Variants in SPAG17 observed in about 807,000 individuals in gnomAD.
SPAG17 encodes sperm-associated antigen 17.
Under a neutral mutation model 273.6 loss-of-function variants are expected in SPAG17, and 169 were observed. The observed-to-expected ratio is 0.62, with a 90% CI of 0.55 to 0.70. The LOEUF is 0.70. Ranked by LOEUF, SPAG17 falls within the 30% of genes least tolerant of loss-of-function variation. The probability of loss-of-function intolerance (pLI) is 0.00; values close to 1 mark genes in which losing one functional copy is unlikely to be tolerated. For synonymous variants in SPAG17, 825 were observed against 873.2 expected, an observed-to-expected ratio of 0.94 and a Z score of 0.97; for missense variants, 2,557 against 2,627.8, an observed-to-expected ratio of 0.97 and a Z score of 0.59.
At chr1:118,051,445 G>A (rs1454986857) in intron 20 of SPAG17, among the ~76,000 whole-genome samples, 1 of 151,782 alleles carries the variant, frequency 6.6e-6, no homozygotes, top group Non-Finnish European at 1.5e-5. Flanking sequence ...GCATGCCCAT[G>A]TTTATTGCAG....
At chr1:117,999,918 T>G (rs938678047) in intron 32 of SPAG17, among the ~76,000 whole-genome samples, 2 of 152,346 alleles carry the variant, frequency 1.3e-5, no homozygotes, top group African/African-American at 4.8e-5. Flanking sequence ...TCCTGAATGG[T>G]ATTGCCTAGG....
Position 118,005,610 on chromosome 1 carries a change from A to G in SPAG17, c.4588-8T>C. ...TGTGTTTGGAGGTAACACCTGAAAG[A>G]GTAACAGAAAGACAGAAATTATTAA... On this transcript the variant is annotated splice_polypyrimidine_tract_variant and splice_region_variant and intron_variant, in intron 31 of 48. Coordinates refer to ENST00000336338, the MANE Select transcript of SPAG17 (RefSeq NM_206996.4). 1 of 1,430,534 alleles carries G rather than the reference A, an allele frequency of 7.0e-7. No homozygotes were observed. Among genetic ancestry groups the G allele is most frequent in the South Asian group, 1.7e-5 (1 of 57,590 alleles). 88.6% of individuals were successfully genotyped at this position (1,430,534 alleles called of 1,614,324 possible). A position where few individuals can be genotyped will look rare whatever the true frequency, so the allele number is the denominator to read the frequency against.
At chr1:118,054,586 G>T (rs980387853) in intron 19 of SPAG17, among the ~76,000 whole-genome samples, 5 of 151,888 alleles carry the variant, frequency 3.3e-5, no homozygotes, top group Admixed American at 3.3e-4. Flanking sequence ...ACAGGTTTTT[G>T]GTCTTTTCAG....
At chr1:118,126,286 A>G (rs1040035829) in intron 3 of SPAG17, among the ~76,000 whole-genome samples, 1 of 148,372 alleles carries the variant, frequency 6.7e-6, no homozygotes, top group Non-Finnish European at 1.5e-5. Flanking sequence ...GCTCACTGCA[A>G]GCTCCACCTC....
chr1:118,036,316 G>A (rs1269281688), intron 24 of SPAG17, among the ~76,000 whole-genome samples: 2 of 152,108 alleles, frequency 1.3e-5, no homozygotes, highest in Non-Finnish European at 2.9e-5. Flanking sequence ...ACACTGAACC[G>A]TTCTATAATA....
rs1218673645 is a variant in SPAG17, at chr1:118,065,096, T to C, written c.2540+1649A>G. ...TTGGCAAGTTTGATCCAGAAAAATA[T>C]AGAGAAATCACAGATTAAAAATGTT... On this transcript the variant is annotated intron_variant, in intron 18 of 48. Transcript: ENST00000336338. 2.6e-5 allele frequency among the ~76,000 whole-genome samples: 4 copies of C among 152,094 alleles called. No individual in the cohort carries two copies. In the East Asian group the frequency reaches 7.7e-4, roughly 29 times the overall value.
chr1:118,164,366 C>T (rs1042367124), intron 1 of SPAG17, among the ~76,000 whole-genome samples: 1 of 151,078 alleles, frequency 6.6e-6, no homozygotes, highest in Non-Finnish European at 1.5e-5. Flanking sequence ...AAAAAACCTC[C>T]CTATCACAAA....
chr1:117,955,697 T>A (rs1160536970), intron 48 of SPAG17, among the ~76,000 whole-genome samples: 1 of 152,128 alleles, frequency 6.6e-6, no homozygotes, highest in African/African-American at 2.4e-5. Flanking sequence ...TGGAATATTA[T>A]ATAAAGTTTT....
chr1:118,000,874 G>C (rs1658201181), intron 32 of SPAG17, among the ~76,000 whole-genome samples: 2 of 152,214 alleles, frequency 1.3e-5, no homozygotes, highest in Admixed American at 1.3e-4. Context: ...TAGGAGTGGT[G>C]AGAGAGGGCA....
intron 19 of SPAG17, among the ~76,000 whole-genome samples, chr1:118,055,427 C>T (rs1651558875): frequency 6.6e-6 from 1 of 152,102 alleles, no homozygotes; most frequent in Non-Finnish European, 1.5e-5. Context: ...GCTTAATTTA[C>T]CAATCCTACC....
chr1:118,179,457 C>T (rs1281808607), intron 1 of SPAG17, among the ~76,000 whole-genome samples: 1 of 152,014 alleles, frequency 6.6e-6, no homozygotes, highest in Non-Finnish European at 1.5e-5. Context: ...GGATTGCAGA[C>T]TTAAATCTAA....
At chr1:118,096,392 C>T (rs533733283) in intron 7 of SPAG17, among the ~76,000 whole-genome samples, 1 of 151,360 alleles carries the variant, frequency 6.6e-6, no homozygotes, top group South Asian at 2.1e-4. Flanking sequence ...AGTCACTGTG[C>T]AGACACCCAT....
rs774289091 is a variant in SPAG17, at chr1:118,099,764, A to C, written c.671T>G (p.Ile224Arg). The change falls in exon 6 of 49, where the codon ATA becomes AGA. Residue 224 changes from isoleucine (I) to arginine (R), a missense_variant. By Grantham distance (97) the Ile-to-Arg change is moderately conservative (BLOSUM62 -3). Coordinates refer to ENST00000336338, the MANE Select transcript of SPAG17 (RefSeq NM_206996.4). ...EPDDGAQHYI[I>R]VVGFNNPQLL... ...CTGAGGATTGTTAAAGCCCACAACT[A>C]TAATGTAATGTTGGGCACCATCATC... 3 of 1,613,120 alleles carry C rather than the reference A, an allele frequency of 1.9e-6. No individual in the cohort carries two copies. The Admixed American group carries it at 5.0e-5, about 27-fold the overall frequency.
At chr1:118,155,077 A>G (rs1284888794) in intron 1 of SPAG17, among the ~76,000 whole-genome samples, 1 of 152,136 alleles carries the variant, frequency 6.6e-6, no homozygotes, top group Non-Finnish European at 1.5e-5. Context: ...GTACATGATC[A>G]TTGCTGAGTC....
chr1:118,050,121 C>G (rs562421686), intron 20 of SPAG17, among the ~76,000 whole-genome samples: 40 of 152,270 alleles, frequency 2.6e-4, no homozygotes, highest in African/African-American at 9.4e-4. Context: ...CCATACTGTG[C>G]ATGCTCCCCT....
At chr1:117,976,822 T>G (rs1043568894) in intron 43 of SPAG17, among the ~76,000 whole-genome samples, 2 of 152,178 alleles carry the variant, frequency 1.3e-5, no homozygotes, top group African/African-American at 4.8e-5. Flanking sequence ...TTGGCAGTGC[T>G]TCCATGCAGT....
At chr1:118,070,611 C>T (rs1653477458) in intron 17 of SPAG17, among the ~76,000 whole-genome samples, 1 of 152,038 alleles carries the variant, frequency 6.6e-6, no homozygotes, top group East Asian at 1.9e-4. Flanking sequence ...ATAAAGTGAG[C>T]CACAAATGTG....
chr1:118,023,301 T>A lies in SPAG17; in HGVS notation c.4069+3A>T. The A allele has an allele frequency of 6.2e-7, 1 of 1,608,760 alleles. No individual in the cohort carries two copies. Among genetic ancestry groups the A allele is most frequent in the South Asian group, 1.1e-5 (1 of 90,192 alleles). On this transcript the variant is annotated splice_donor_region_variant and intron_variant, in intron 28 of 48. Transcript: ENST00000336338. ...TAATAAACTGAGAGGCTTCAATTGT[T>A]ACCTTTCTTTGTGTTGGTAATCTCA...
intron 1 of SPAG17, among the ~76,000 whole-genome samples, chr1:118,154,511 G>C (rs1370091124): frequency 6.6e-6 from 1 of 152,144 alleles, no homozygotes; most frequent in Non-Finnish European, 1.5e-5. Flanking sequence ...AGTTAAATAA[G>C]CAATTCTCTG....
Sources: gnomAD v4.1 joint callset for allele counts (sites outside exome capture counted in the v4.1 genomes callset) on GRCh38, gnomAD v4.1.1 for gene constraint, MANE v1.5 for transcripts, NCBI Gene and HGNC (gene_info 2026-07-23, HGNC 2026-07-21) for gene names.